The following GALNS variants were observed in gnomAD, a reference collection of about 807,000 sequenced individuals.
GALNS encodes galactosamine (N-acetyl)-6-sulfatase.
GALNS carries 65 observed loss-of-function variants against 65.9 expected under a neutral mutation model. The observed-to-expected ratio is 0.99, with a 90% CI of 0.81 to 1.21. The LOEUF (loss-of-function observed/expected upper bound fraction) is 1.21, where lower values mean the gene tolerates loss of function less well. Among genes scored for constraint, GALNS ranks in the 50% most tolerant of loss-of-function variants. The pLI is 0.00. For missense variants in GALNS, 776 were observed against 700.7 expected (o/e 1.11, Z -1.21); for synonymous variants, 346 against 288.9 (o/e 1.20, Z -2.00).
intron 8 of GALNS, among the ~76,000 whole-genome samples, chr16:88,834,357 CCCCCCCCCGCGTGG>C (rs1911847882): frequency 9.8e-6 from 1 of 102,306 alleles, no homozygotes; most frequent in African/African-American, 4.1e-5. Context: ...GGCTGCAGGG[CCCCCCCCCGCGTGG>C]TCTGGGAAGA....
intron 1 of GALNS, chr16:88,843,357 AC>A (rs1057018330): frequency 1.0e-4 from 55 of 527,324 alleles, no homozygotes; most frequent in South Asian, 6.3e-4. Flanking sequence ...ACTGAAACTT[AC>A]GTCCACACGC....
chr16:88,827,970 C>G (rs990217131), intron 9 of GALNS, among the ~76,000 whole-genome samples: 1 of 152,208 alleles, frequency 6.6e-6, no homozygotes. Flanking sequence ...AGACGGCGAT[C>G]GCCAGCTTCT....
chr16:88,833,374 GGA>G, intron 8 of GALNS, among the ~76,000 whole-genome samples: 1 of 151,958 alleles, frequency 6.6e-6, no homozygotes. Flanking sequence ...CACTTCTAGG[GGA>G]CACTCAGGCT....
At chr16:88,831,092 C>T (rs1911453565) in intron 9 of GALNS, among the ~76,000 whole-genome samples, 1 of 152,228 alleles carries the variant, frequency 6.6e-6, no homozygotes, top group Admixed American at 6.5e-5. Flanking sequence ...TACCAGCACC[C>T]ACGTGACACA....
In GALNS at chr16:88,837,764, G is replaced by A; in HGVS notation, c.424C>T (p.His142Tyr). 6.2e-7 allele frequency: 1 copy of A among 1,613,980 alleles called. No homozygotes were observed. Among genetic ancestry groups the A allele is most frequent in the Non-Finnish European group, 8.5e-7 (1 of 1,180,006 alleles). Reference protein sequence around the residue: ...GYVSKIVGKWHLGHRPQFHPL... With the variant: ...GYVSKIVGKWYLGHRPQFHPL... ...TGGAACTGGGGCCTGTGACCCAGAT[G>A]CCTGGAAACAGGAACCCAGGACACT... Residue 142 changes from histidine (H) to tyrosine (Y), a missense_variant and splice_region_variant, in exon 5 of 14, where the codon CAT (histidine) becomes TAT (tyrosine). By Grantham distance (83) the His-to-Tyr change is moderately conservative (BLOSUM62 2). Transcript: ENST00000268695.
At chr16:88,818,302 C>A (rs955336291) in intron 12 of GALNS, among the ~76,000 whole-genome samples, 178 bp from the exon 13 acceptor site, 1 of 152,180 alleles carries the variant, frequency 6.6e-6, no homozygotes, top group Non-Finnish European at 1.5e-5. Context: ...AGGCAGCAGG[C>A]ACCCGAGCCA....
chr16:88,854,033 C>T (rs778448937), intron 1 of GALNS, among the ~76,000 whole-genome samples: 22 of 152,182 alleles, frequency 1.4e-4, no homozygotes, highest in Non-Finnish European at 2.6e-4. Context: ...CTTGCTTAGA[C>T]GAAAGGGGGG....
At chr16:88,823,920 A>G (rs750766333) in intron 11 of GALNS, among the ~76,000 whole-genome samples, 4 of 152,142 alleles carry the variant, frequency 2.6e-5, no homozygotes, top group African/African-American at 9.7e-5. Flanking sequence ...TAAAACCCGA[A>G]AGAAGAGCGG....
At chr16:88,839,668 G>T (rs1966880855) in intron 4 of GALNS, among the ~76,000 whole-genome samples, 1 of 152,222 alleles carries the variant, frequency 6.6e-6, no homozygotes, top group East Asian at 1.9e-4. Flanking sequence ...GCCGCTGTAG[G>T]ACCCAGCCCG....
chr16:88,827,716 G>A (rs886920524), intron 9 of GALNS, among the ~76,000 whole-genome samples: 2 of 152,222 alleles, frequency 1.3e-5, no homozygotes, highest in Admixed American at 6.5e-5. Context: ...AAAGTGCTGG[G>A]ATTACAGGCA....
chr16:88,853,766 A>G (rs1967621436), intron 1 of GALNS, among the ~76,000 whole-genome samples: 1 of 152,138 alleles, frequency 6.6e-6, no homozygotes, highest in African/African-American at 2.4e-5. Context: ...GCCGCGCTGG[A>G]CCGTGGGTCA....
intron 13 of GALNS, chr16:88,815,368 G>A (rs1460889020): frequency 1.0e-6 from 1 of 985,366 alleles, no homozygotes; most frequent in Non-Finnish European, 1.2e-6. Context: ...TGCAGCTTCA[G>A]CCTCTCAAGA....
At chr16:88,846,509 CTTTTTTTTTTT>C (rs59223444) in intron 1 of GALNS, among the ~76,000 whole-genome samples, 2 of 88,696 alleles carry the variant, frequency 2.3e-5, no homozygotes, top group African/African-American at 8.8e-5. Context: ...GCGTTTCTGG[CTTTTTTTTTTT>C]TTTTTTTTTT....
At chr16:88,850,499 G>A (rs745621544) in intron 1 of GALNS, among the ~76,000 whole-genome samples, 40 of 152,018 alleles carry the variant, frequency 2.6e-4, no homozygotes, top group Non-Finnish European at 5.1e-4. Context: ...AAAATACTGC[G>A]GGGAGGAGTC....
At chr16:88,832,605 G>A (rs539719800) in intron 8 of GALNS, among the ~76,000 whole-genome samples, 4 of 152,266 alleles carry the variant, frequency 2.6e-5, no homozygotes, top group African/African-American at 7.2e-5. Context: ...AAGTGGTCAC[G>A]GGGCAAAGGC....
rs7196835 is a variant in GALNS at position 88,840,978 on chromosome 16, G to A, written c.422+14C>T. 6.2e-7 allele frequency: 1 copy of A among 1,602,910 alleles called. No individual in the cohort carries two copies. The highest frequency in any genetic ancestry group is 1.7e-5 in the Admixed American group (1 of 60,004). On this transcript the variant is annotated intron_variant, in intron 4 of 13. Coordinates refer to ENST00000268695, the MANE Select transcript of GALNS (RefSeq NM_000512.5). Reference sequence around the variant, plus strand: ...GGAGCAGGACGCCTGGGCAGGCGTGGCCAGGAGACTTACCACTTGCCGACA... The same window carrying A: ...GGAGCAGGACGCCTGGGCAGGCGTGACCAGGAGACTTACCACTTGCCGACA...
intron 4 of GALNS, among the ~76,000 whole-genome samples, chr16:88,839,161 C>A (rs923403806): frequency 6.6e-6 from 1 of 151,066 alleles, no homozygotes; most frequent in Non-Finnish European, 1.5e-5. Context: ...CGCCCACGTC[C>A]GCTGGTCACC....
Position 88,835,273 on chromosome 16 carries a change from T to C in GALNS, c.838A>G (p.Asn280Asp). Residue 280 changes from asparagine (N) to aspartate (D), a missense_variant, in exon 8 of 14, where the codon AAC becomes GAC. Coordinates refer to ENST00000268695, the MANE Select transcript of GALNS (RefSeq NM_000512.5). ...TCCGACGTGAAGAAGACGAAGGTGT[T>C]GTCCGCGACGTGCAGGTCTTGGAGG... ...ELLQDLHVAD[N>D]TFVFFTSDNG... The C allele has an allele frequency of 6.2e-7, 1 of 1,612,006 alleles. No individual in the cohort carries two copies. Among genetic ancestry groups the C allele is most frequent in the Non-Finnish European group, 8.5e-7 (1 of 1,179,124 alleles).
chr16:88,818,647 G>A (rs773127908), intron 12 of GALNS, among the ~76,000 whole-genome samples: 4 of 152,192 alleles, frequency 2.6e-5, no homozygotes, highest in African/African-American at 7.2e-5. Context: ...TACACGGCTC[G>A]ACGAGGTGCC....
Sources: gnomAD v4.1 joint callset for allele counts (sites outside exome capture counted in the v4.1 genomes callset) on GRCh38, gnomAD v4.1.1 for gene constraint, MANE v1.5 for transcripts, NCBI Gene and HGNC (gene_info 2026-07-23, HGNC 2026-07-21) for gene names.